LRMDA: variants seen among roughly 807,000 people sequenced by gnomAD.
LRMDA encodes leucine-rich melanocyte differentiation-associated protein.
A neutral mutation model predicts 29.8 loss-of-function variants in LRMDA; 18 were observed. That is an observed-to-expected ratio of 0.60 (90% confidence interval 0.42 to 0.90). The LOEUF (loss-of-function observed/expected upper bound fraction) is 0.90. LRMDA is among the 40% of genes least tolerant of loss of function. The probability of loss-of-function intolerance (pLI) is 0.00; values close to 1 mark genes in which losing one functional copy is unlikely to be tolerated. For synonymous variants in LRMDA, 125 were observed against 109.4 expected, an observed-to-expected ratio of 1.14 and a Z score of -0.89; for missense variants, 273 against 273.9, an observed-to-expected ratio of 1.00 and a Z score of 0.02.
chr10:76,196,236 C>T (rs1027775238), intron 5 of LRMDA, among the ~76,000 whole-genome samples: 1 of 152,232 alleles, frequency 6.6e-6, no homozygotes, highest in African/African-American at 2.4e-5. Flanking sequence ...TGTTACCCAA[C>T]ACAAGGAGAA....
intron 2 of LRMDA, among the ~76,000 whole-genome samples, chr10:75,764,681 G>T (rs12264499): frequency 0.036 from 5,500 of 152,240 alleles, 247 homozygotes; most frequent in African/African-American, 0.11. Flanking sequence ...ACAGATAGAC[G>T]GGAGAATGAG....
intron 6 of LRMDA, among the ~76,000 whole-genome samples, chr10:76,509,377 A>G (rs1842987638): frequency 6.6e-6 from 1 of 152,174 alleles, no homozygotes; most frequent in African/African-American, 2.4e-5. Context: ...TCTACCAAAA[A>G]CAGGCAGATA....
intron 2 of LRMDA, among the ~76,000 whole-genome samples, chr10:75,749,370 G>C (rs1842926169): frequency 6.6e-6 from 1 of 151,870 alleles, no homozygotes; most frequent in Admixed American, 6.6e-5. Flanking sequence ...GTGGAGGGTT[G>C]GTGCCCCTAA....
intron 2 of LRMDA, among the ~76,000 whole-genome samples, chr10:75,737,271 A>G (rs989537522): frequency 1.3e-5 from 2 of 152,222 alleles, no homozygotes; most frequent in South Asian, 4.1e-4. Flanking sequence ...CCAGGATGGC[A>G]AAACTCTCTC....
At position 76,557,189 on chromosome 10, in the gene LRMDA, G is replaced by A; in HGVS notation, c.602-20G>A. The A allele has an allele frequency of 6.2e-7, 1 of 1,600,922 alleles. No homozygotes were observed. The highest frequency in any genetic ancestry group is 8.6e-7 in the Non-Finnish European group (1 of 1,168,130). ...TGCTAAGTGTGCCACCTGTAATGAT[G>A]TGTGTCTTTTTATTTGCAGGTGTCC... On this transcript the variant is annotated intron_variant, in intron 6 of 6. Coordinates refer to ENST00000611255, the MANE Select transcript of LRMDA (RefSeq NM_001305581.2).
chr10:76,412,904 C>A (rs887253670), intron 6 of LRMDA, among the ~76,000 whole-genome samples: 7 of 151,776 alleles, frequency 4.6e-5, no homozygotes, highest in African/African-American at 1.7e-4. Flanking sequence ...CCTGCTCTCC[C>A]TTCCTTCTCC....
At chr10:76,203,859 A>T in intron 5 of LRMDA, among the ~76,000 whole-genome samples, 1 of 127,436 alleles carries the variant, frequency 7.8e-6, no homozygotes, top group African/African-American at 3.1e-5. Context: ...CCATTTCTCC[A>T]TGTTCCCATC....
intron 2 of LRMDA, among the ~76,000 whole-genome samples, chr10:75,807,571 A>T (rs892314013): frequency 6.6e-6 from 1 of 152,254 alleles, no homozygotes; most frequent in Non-Finnish European, 1.5e-5. Context: ...TAAAGGCAGC[A>T]GGTTGGAGAA....
At chr10:76,219,694 T>C (rs1439050547) in intron 5 of LRMDA, among the ~76,000 whole-genome samples, 3 of 152,224 alleles carry the variant, frequency 2.0e-5, no homozygotes, top group East Asian at 3.9e-4. Context: ...ACTGTCAACA[T>C]TAGACAGATC....
intron 5 of LRMDA, among the ~76,000 whole-genome samples, chr10:76,246,062 G>A (rs192898045): frequency 5.3e-5 from 8 of 152,060 alleles, no homozygotes; most frequent in East Asian, 1.9e-4. Context: ...TTTCATTGAC[G>A]AGGAAGCTGA....
rs1378758839 is a variant in LRMDA at position 76,010,911 on chromosome 10, T to C, written c.132-25097T>C. On this transcript the variant is annotated intron_variant, in intron 2 of 6. Coordinates refer to ENST00000611255, the MANE Select transcript of LRMDA (RefSeq NM_001305581.2). ...ATCCTGAGGGTAAATTATCTTCCACTAGGAATCCTGAGACTTGACATTCAA... is the reference window on the plus strand; with the variant it reads ...ATCCTGAGGGTAAATTATCTTCCACCAGGAATCCTGAGACTTGACATTCAA... Among the ~76,000 whole-genome samples, 7 of 152,212 alleles carry C rather than the reference T, an allele frequency of 4.6e-5. No individual in the cohort carries two copies. The East Asian group carries it at 1.2e-3, about 25-fold the overall frequency.
Position 76,082,442 on chromosome 10 carries a change from G to A in LRMDA, c.516+23659G>A, listed in dbSNP as rs533999996. On this transcript the variant is annotated intron_variant, in intron 5 of 6. Coordinates refer to ENST00000611255, the MANE Select transcript of LRMDA (RefSeq NM_001305581.2). ...TCTGTTGTAGTTAGTGCTTTTGCCC[G>A]TGGGTTTCTGGTGGGAGGAGCGAGA... Among the ~76,000 whole-genome samples the A allele has an allele frequency of 3.9e-5, 6 of 152,176 alleles. 1 individual carries two copies. Among genetic ancestry groups the A allele is most frequent in the South Asian group, 4.2e-4 (2 of 4,804 alleles).
intron 2 of LRMDA, among the ~76,000 whole-genome samples, chr10:75,663,506 C>T (rs1398622572): frequency 6.6e-6 from 1 of 152,136 alleles, no homozygotes; most frequent in Non-Finnish European, 1.5e-5. Flanking sequence ...TTATCTTGGT[C>T]CATTTCATTC....
chr10:75,685,556 CAT>C (rs1348282916), intron 2 of LRMDA, among the ~76,000 whole-genome samples: 2 of 152,234 alleles, frequency 1.3e-5, no homozygotes, highest in Admixed American at 1.3e-4. Context: ...TCTATCTTCT[CAT>C]GTGGTCATTG....
intron 1 of LRMDA, among the ~76,000 whole-genome samples, chr10:75,434,362 G>A (rs1844242109): frequency 6.6e-6 from 1 of 152,122 alleles, no homozygotes; most frequent in African/African-American, 2.4e-5. Flanking sequence ...TGTTTCATGA[G>A]GATTGAATAG....
chr10:75,461,665 G>A (rs1312565447), intron 2 of LRMDA, among the ~76,000 whole-genome samples: 1 of 152,238 alleles, frequency 6.6e-6, no homozygotes, highest in Non-Finnish European at 1.5e-5. Flanking sequence ...CTTGATACAA[G>A]CCTGTCCGTG....
Position 75,986,752 on chromosome 10 carries a change from A to G in LRMDA, c.132-49256A>G, listed in dbSNP as rs1847268787. Among the ~76,000 whole-genome samples the G allele has an allele frequency of 2.0e-5, 3 of 152,348 alleles. No individual in the cohort carries two copies. In the South Asian group the frequency reaches 6.2e-4, roughly 32 times the overall value. On this transcript the variant is annotated intron_variant, in intron 2 of 6. Transcript: ENST00000611255. ...CTAGGCCACGCTTCTCACCACACCCAGCTTCCTGAGAGGTTTATAACGCAG... is the reference window on the plus strand; with the variant it reads ...CTAGGCCACGCTTCTCACCACACCCGGCTTCCTGAGAGGTTTATAACGCAG...
At chr10:75,917,948 C>T (rs186404739) in intron 2 of LRMDA, among the ~76,000 whole-genome samples, 243 of 140,334 alleles carry the variant, frequency 1.7e-3, no homozygotes, top group Non-Finnish European at 2.8e-3. Context: ...CACACCCACA[C>T]ATGCACATGT....
intron 2 of LRMDA, among the ~76,000 whole-genome samples, chr10:75,528,534 A>G (rs991493430): frequency 1.3e-5 from 2 of 152,220 alleles, no homozygotes. Context: ...TTGAGAAGAC[A>G]TTGACCAGAC....
Sources: allele counts gnomAD v4.1 joint callset (sites outside exome capture counted in the v4.1 genomes callset), GRCh38; gene constraint gnomAD v4.1.1; transcripts MANE v1.5; gene names NCBI Gene and HGNC (gene_info 2026-07-23, HGNC 2026-07-21).